DNM1: variants seen among roughly 807,000 people sequenced by gnomAD.
DNM1 encodes dynamin 1, also known as dynamin-1.
A neutral mutation model predicts 104.6 loss-of-function variants in DNM1; 29 were observed. The ratio of observed to expected loss-of-function variants is 0.28; its 90% CI spans 0.21 to 0.38. The LOEUF (loss-of-function observed/expected upper bound fraction) is 0.38, where lower values mean the gene tolerates loss of function less well. Among genes scored for constraint, DNM1 ranks in the 10% least tolerant of loss-of-function variants. DNM1 has a pLI of 1.00. For missense variants in DNM1, 640 were observed against 1,189.4 expected (o/e 0.54, Z 6.79); for synonymous variants, 445 against 475.8 (o/e 0.94, Z 0.84).
Position 128,220,464 on chromosome 9 carries a change from T to C in DNM1, c.849+123T>C. The C allele has an allele frequency of 7.7e-7, 1 of 1,302,876 alleles. No homozygotes were observed. The highest frequency in any genetic ancestry group is 1.0e-6 in the Non-Finnish European group (1 of 957,192). The allele number at this position is 1,302,876 out of a possible 1,614,324, so 80.7% of individuals were successfully genotyped here. A position where few individuals can be genotyped will look rare whatever the true frequency, so the allele number is the denominator to read the frequency against. ...GTAGTGCAGATAGACAAACTGAGCC[T>C]CAGAAAAGCAAAGCAACTTGCCCAC... On this transcript the variant is annotated intron_variant, in intron 6 of 21. Coordinates refer to ENST00000372923, the MANE Select transcript of DNM1 (RefSeq NM_004408.4). The surrounding 1 kb of genome is among the most constrained non-coding windows in gnomAD (Gnocchi z 5.2).
In DNM1 at chr9:128,232,400, G is replaced by A. The variant is rs529316623; in HGVS notation, c.1336-1621G>A. 2.0e-5 allele frequency among the ~76,000 whole-genome samples: 3 copies of A among 152,258 alleles called. No homozygotes were observed. In the East Asian group the frequency reaches 5.8e-4, roughly 29 times the overall value. ...AGACTGCCCCTCCCTCAGGTCTCCT[G>A]AGCTTAGCCACATCATCCACGCCCT... On this transcript the variant is annotated intron_variant, in intron 10 of 21. Coordinates refer to ENST00000372923, the MANE Select transcript of DNM1 (RefSeq NM_004408.4).
intron 1 of DNM1, among the ~76,000 whole-genome samples, chr9:128,211,710 G>A (rs1834313978): frequency 6.6e-6 from 1 of 151,970 alleles, no homozygotes. Flanking sequence ...CTCTTTCACT[G>A]GGTCTTTCCT....
chr9:128,231,942 C>T (rs1194789994), intron 10 of DNM1: 3 of 453,208 alleles, frequency 6.6e-6, no homozygotes, highest in African/African-American at 6.0e-5. Context: ...AGGCTGATCG[C>T]CCCCTCAGCC....
rs185914173 is a variant in DNM1 at position 128,237,285 on chromosome 9, G to A, written c.1423-2160G>A. On this transcript the variant is annotated intron_variant, in intron 11 of 21. Coordinates refer to ENST00000372923, the MANE Select transcript of DNM1 (RefSeq NM_004408.4). Reference sequence around the variant, plus strand: ...CTTGTTCTTTTTTTTTTTTTGAGACGGAGTCTCTCTCAGTTGCCCAGGCTG... The same window carrying A: ...CTTGTTCTTTTTTTTTTTTTGAGACAGAGTCTCTCTCAGTTGCCCAGGCTG... 2.1e-3 allele frequency among the ~76,000 whole-genome samples: 323 copies of A among 150,968 alleles called. 2 individuals carry two copies. Among genetic ancestry groups the A allele is most frequent in the African/African-American group, 7.5e-3 (310 of 41,130 alleles).
rs367993246 is a variant in DNM1, at chr9:128,222,870, G to A, written c.1196+10G>A. The A allele has an allele frequency of 1.2e-6, 2 of 1,613,764 alleles. No homozygotes were observed. The highest frequency in any genetic ancestry group is 4.5e-5 in the East Asian group (2 of 44,876). ...ATATCCATGGCATTAGGCACGTATT[G>A]GGGCCTGGGAGGGTGGCTGAACCCC... On this transcript the variant is annotated intron_variant, in intron 9 of 21. Coordinates refer to ENST00000372923, the MANE Select transcript of DNM1 (RefSeq NM_004408.4). This position sits in a 1 kb window ranked among gnomAD's most constrained non-coding sequence, Gnocchi z 7.8.
intron 1 of DNM1, among the ~76,000 whole-genome samples, chr9:128,205,794 G>A (rs1048229359): frequency 3.9e-5 from 6 of 152,186 alleles, no homozygotes; most frequent in African/African-American, 1.4e-4. Flanking sequence ...AGCCCATGAC[G>A]CAGGGGCCAT....
chr9:128,231,146 T>C (rs1480839078), intron 10 of DNM1, among the ~76,000 whole-genome samples: 1 of 151,372 alleles, frequency 6.6e-6, no homozygotes, highest in Non-Finnish European at 1.5e-5. Flanking sequence ...TCAACAAATA[T>C]TTGGAAAGGA....
chr9:128,249,551 G>T (rs1829379688), intron 19 of DNM1, among the ~76,000 whole-genome samples: 1 of 152,046 alleles, frequency 6.6e-6, no homozygotes, highest in Non-Finnish European at 1.5e-5. Flanking sequence ...AGCTACTCAG[G>T]AGGCTGAGGC....
At chr9:128,229,008 A>G (rs1397893793) in intron 10 of DNM1, among the ~76,000 whole-genome samples, 2 of 152,036 alleles carry the variant, frequency 1.3e-5, no homozygotes, top group Admixed American at 6.6e-5. Context: ...AAAGAAAAAG[A>G]AAAAGAAAAA....
chr9:128,246,583 G>A, intron 16 of DNM1, 80 bp downstream of exon 16: 1 of 1,067,852 alleles, frequency 9.4e-7, no homozygotes, highest in Admixed American at 1.9e-5. Flanking sequence ...AGGGATCCAG[G>A]GAGGAGAGGA....
At position 128,218,076 on chromosome 9, in the gene DNM1, A is replaced by G. The variant is rs1226043473; in HGVS notation, c.162-155A>G. 1.3e-5 allele frequency among the ~76,000 whole-genome samples: 2 copies of G among 152,180 alleles called. No homozygotes were observed. Among genetic ancestry groups the G allele is most frequent in the African/African-American group, 4.8e-5 (2 of 41,434 alleles). ...GTATTTTCCACCTTTCTGGGCTGCC[A>G]TATGCTCTTAGTTACCTGAAGCCCC... On this transcript the variant is annotated intron_variant, in intron 1 of 21. Coordinates refer to ENST00000372923, the MANE Select transcript of DNM1 (RefSeq NM_004408.4). The surrounding 1 kb of genome is among the most constrained non-coding windows in gnomAD (Gnocchi z 4.8).
chr9:128,234,302 T>C (rs976952775), intron 11 of DNM1, among the ~76,000 whole-genome samples, 195 bp downstream of exon 11: 2 of 152,214 alleles, frequency 1.3e-5, no homozygotes. Flanking sequence ...ACTTTAGCCA[T>C]GTTTAAGCGC....
intron 19 of DNM1, among the ~76,000 whole-genome samples, chr9:128,249,773 T>G (rs1372315411): frequency 2.0e-5 from 3 of 150,046 alleles, no homozygotes; most frequent in East Asian, 2.0e-4. Flanking sequence ...CTACAGTGAG[T>G]GGTAATCTCC....
chr9:128,218,338 C>T lies in DNM1; in HGVS notation c.235+34C>T. 9 of 1,606,922 alleles carry T rather than the reference C, an allele frequency of 5.6e-6. No homozygotes were observed. Among genetic ancestry groups the T allele is most frequent in the Non-Finnish European group, 7.7e-6 (9 of 1,173,500 alleles). The stretch of plus-strand genomic sequence containing the variant: ...CCTCCTTCACCAGCAGCCAGGCCTG[C>T]CCACTCCAGCCTCTCCCCCGTCCCC... On this transcript the variant is annotated intron_variant, in intron 2 of 21. Transcript: ENST00000372923. This position sits in a 1 kb window ranked among gnomAD's most constrained non-coding sequence, Gnocchi z 4.8.
In DNM1 at chr9:128,245,724, CAA is replaced by C. The variant is rs1409599647; in HGVS notation, c.1672-668_1672-667del. ...CTCGCACAATTGCCACACACATCCA[CAA>C]AGTGTGCACACATCCACACTGAGAT... is the stretch of plus-strand genomic sequence containing the variant. On this transcript the variant is annotated intron_variant, in intron 15 of 21. Transcript: ENST00000372923. This position sits in a 1 kb window ranked among gnomAD's most constrained non-coding sequence, Gnocchi z 5.2. Among the ~76,000 whole-genome samples, 1 of 152,226 alleles carries C rather than the reference CAA, an allele frequency of 6.6e-6. No individual in the cohort carries two copies. The highest frequency in any genetic ancestry group is 1.5e-5 in the Non-Finnish European group (1 of 68,038).
chr9:128,244,751 A>G (rs1295297894), intron 15 of DNM1: 2 of 534,086 alleles, frequency 3.7e-6, no homozygotes, highest in Non-Finnish European at 7.7e-6. Flanking sequence ...AGCCTAACCA[A>G]TGTGCAGACT....
chr9:128,254,974 T>A lies in DNM1; in HGVS notation c.*260T>A. ...CCTACACATGGCCAACCGCCTCGCC[T>A]CTAGCGCTGGGAATCAGTCACTGTG... On this transcript the variant is annotated 3_prime_UTR_variant, in exon 22 of 22. Coordinates refer to ENST00000372923, the MANE Select transcript of DNM1 (RefSeq NM_004408.4). The surrounding 1 kb of genome is among the most constrained non-coding windows in gnomAD (Gnocchi z 6.1). The A allele has an allele frequency of 5.4e-6, 2 of 373,068 alleles. 1 individual carries two copies. The allele number at this position is 373,068 out of a possible 1,614,324, so 23.1% of individuals were successfully genotyped here.
intron 15 of DNM1, chr9:128,244,859 C>A: frequency 1.9e-6 from 1 of 513,566 alleles, no homozygotes; most frequent in Non-Finnish European, 4.1e-6. Flanking sequence ...TCTGTCCATC[C>A]GGTGGGCGCT....
At position 128,247,329 on chromosome 9, in the gene DNM1, G is replaced by A; in HGVS notation, c.1782-46G>A. 7.1e-7 allele frequency: 1 copy of A among 1,404,964 alleles called. No individual in the cohort carries two copies. The highest frequency in any genetic ancestry group is 1.0e-6 in the Non-Finnish European group (1 of 1,003,732). The allele number at this position is 1,404,964 out of a possible 1,614,324, so 87.0% of individuals were successfully genotyped here. On this transcript the variant is annotated intron_variant, in intron 16 of 21. Coordinates refer to ENST00000372923, the MANE Select transcript of DNM1 (RefSeq NM_004408.4). The surrounding 1 kb of genome is among the most constrained non-coding windows in gnomAD (Gnocchi z 5.1). ...GGGCATGCCCTTAACCCCCAGGGAG[G>A]GTCAGACTTTGCCCATCTGCCCTCA...
Sources: allele counts gnomAD v4.1 joint callset (sites outside exome capture counted in the v4.1 genomes callset), GRCh38; gene constraint gnomAD v4.1.1; non-coding constraint Gnocchi (gnomAD v3.1); transcripts MANE v1.5; gene names NCBI Gene and HGNC (gene_info 2026-07-23, HGNC 2026-07-21).